The following PLD5 variants were observed in gnomAD, a reference collection of about 807,000 sequenced individuals.
The protein encoded by PLD5 is inactive phospholipase D5.
In PLD5, 36 loss-of-function variants were observed where a neutral mutation model predicts 61.1. The ratio of observed to expected loss-of-function variants is 0.59; its 90% CI spans 0.45 to 0.78. The LOEUF (loss-of-function observed/expected upper bound fraction) is 0.78. PLD5 is among the 30% of genes least tolerant of loss of function. The pLI, the probability that PLD5 is intolerant of heterozygous loss-of-function variation, is 0.00. For missense variants in PLD5, 515 were observed against 644.4 expected, an observed-to-expected ratio of 0.80 and a Z score of 2.17; for synonymous variants, 243 against 242.8, an observed-to-expected ratio of 1.00 and a Z score of -0.01.
At chr1:242,498,324 T>C in intron 1 of PLD5, among the ~76,000 whole-genome samples, 1 of 152,192 alleles carries the variant, frequency 6.6e-6, no homozygotes, top group East Asian at 1.9e-4. Context: ...AAAATATAGA[T>C]AAGCAAAAGT....
chr1:242,435,939 G>C (rs1665974450), intron 1 of PLD5, among the ~76,000 whole-genome samples: 1 of 152,066 alleles, frequency 6.6e-6, no homozygotes, highest in South Asian at 2.1e-4. Flanking sequence ...AAAAGTAGTA[G>C]AGAAAGAAAA....
At chr1:242,381,630 C>T (rs1662283835) in intron 1 of PLD5, among the ~76,000 whole-genome samples, 1 of 152,158 alleles carries the variant, frequency 6.6e-6, no homozygotes, top group African/African-American at 2.4e-5. Context: ...TTTTTCACTT[C>T]TCCTTTTTAT....
At chr1:242,493,374 C>T (rs1297587792) in intron 1 of PLD5, among the ~76,000 whole-genome samples, 1 of 152,146 alleles carries the variant, frequency 6.6e-6, no homozygotes, top group African/African-American at 2.4e-5. Context: ...ATGCTGAAGC[C>T]TCGACATGCA....
At chr1:242,196,378 C>A (rs569427698) in intron 5 of PLD5, among the ~76,000 whole-genome samples, 3 of 152,216 alleles carry the variant, frequency 2.0e-5, no homozygotes, top group South Asian at 2.1e-4. Flanking sequence ...ACAACCGATA[C>A]CCTGCAGGTG....
intron 5 of PLD5, among the ~76,000 whole-genome samples, chr1:242,173,265 CAGAG>C (rs1200003467): frequency 6.6e-6 from 1 of 152,084 alleles, no homozygotes; most frequent in African/African-American, 2.4e-5. Context: ...CAATAACAGA[CAGAG>C]AGCCAAATCA....
chr1:242,167,765 G>A (rs895943599), intron 5 of PLD5, among the ~76,000 whole-genome samples: 4 of 152,206 alleles, frequency 2.6e-5, no homozygotes, highest in Admixed American at 6.5e-5. Context: ...TACATCCATA[G>A]ATGTGGATTG....
At chr1:242,506,058 A>G (rs181089960) in intron 1 of PLD5, among the ~76,000 whole-genome samples, 6 of 152,344 alleles carry the variant, frequency 3.9e-5, no homozygotes, top group Admixed American at 6.5e-5. Flanking sequence ...AAGTACTAAG[A>G]GTTCTGATAC....
At chr1:242,444,754 TA>T (rs1666450603) in intron 1 of PLD5, among the ~76,000 whole-genome samples, 1 of 135,044 alleles carries the variant, frequency 7.4e-6, no homozygotes, top group East Asian at 2.0e-4. Context: ...GTAGGCTATA[TA>T]TATAATATAT....
At chr1:242,459,000 T>C (rs1667030194) in intron 1 of PLD5, among the ~76,000 whole-genome samples, 3 of 152,324 alleles carry the variant, frequency 2.0e-5, no homozygotes, top group Admixed American at 1.3e-4. Flanking sequence ...CATCAGTCTA[T>C]TCAAACTGTT....
At chr1:242,168,740 G>T (rs1210163835) in intron 5 of PLD5, among the ~76,000 whole-genome samples, 1 of 151,760 alleles carries the variant, frequency 6.6e-6, no homozygotes, top group Non-Finnish European at 1.5e-5. Flanking sequence ...TGTGGTATAT[G>T]AAGTATGCGT....
chr1:242,138,541 A>G (rs1347403705), intron 5 of PLD5, among the ~76,000 whole-genome samples: 1 of 152,220 alleles, frequency 6.6e-6, no homozygotes, highest in African/African-American at 2.4e-5. Flanking sequence ...AATACTATCC[A>G]TCACTGACTA....
chr1:242,479,690 A>G (rs1422887151), intron 1 of PLD5, among the ~76,000 whole-genome samples: 2 of 152,144 alleles, frequency 1.3e-5, no homozygotes, highest in Non-Finnish European at 2.9e-5. Context: ...ATATATATAA[A>G]ATGAAAATGA....
chr1:242,428,401 TA>T (rs1665545234), intron 1 of PLD5, among the ~76,000 whole-genome samples: 1 of 152,244 alleles, frequency 6.6e-6, no homozygotes, highest in Non-Finnish European at 1.5e-5. Flanking sequence ...ATATTTATTC[TA>T]AAACAGAAAT....
At chr1:242,166,072 G>A (rs1448322047) in intron 5 of PLD5, among the ~76,000 whole-genome samples, 1 of 152,188 alleles carries the variant, frequency 6.6e-6, no homozygotes, top group Non-Finnish European at 1.5e-5. Flanking sequence ...TTGTGGTGGT[G>A]TATTGAATTT....
At chr1:242,522,712 A>G (rs924072706) in intron 1 of PLD5, among the ~76,000 whole-genome samples, 2 of 152,154 alleles carry the variant, frequency 1.3e-5, no homozygotes, top group African/African-American at 4.8e-5. Flanking sequence ...AACTAATAAC[A>G]CCACCAGCCC....
At chr1:242,262,915 C>G (rs557992382) in intron 4 of PLD5, among the ~76,000 whole-genome samples, 127 of 151,998 alleles carry the variant, frequency 8.4e-4, no homozygotes, top group Middle Eastern at 3.4e-3. Context: ...TTACAGGGAC[C>G]CTTGTGTAAA....
At chr1:242,307,668 A>T (rs61252520) in intron 2 of PLD5, among the ~76,000 whole-genome samples, 2,163 of 152,252 alleles carry the variant, frequency 0.014, 54 homozygotes, top group African/African-American at 0.049. Context: ...CAACAGTTCA[A>T]AACCAGCCCT....
chr1:242,348,444 G>A (rs982881038), intron 1 of PLD5, among the ~76,000 whole-genome samples: 3 of 152,102 alleles, frequency 2.0e-5, no homozygotes, highest in Admixed American at 6.5e-5. Flanking sequence ...CCCACTCTAA[G>A]TGATAGACCC....
At chr1:242,451,573 T>C (rs1666780744) in intron 1 of PLD5, among the ~76,000 whole-genome samples, 2 of 150,580 alleles carry the variant, frequency 1.3e-5, no homozygotes, top group African/African-American at 2.4e-5. Context: ...GATTCTCCTG[T>C]CTCAGCCTCC....
Sources: gnomAD v4.1 joint callset for allele counts (sites outside exome capture counted in the v4.1 genomes callset) on GRCh38, gnomAD v4.1.1 for gene constraint, MANE v1.5 for transcripts, NCBI Gene and HGNC (gene_info 2026-07-23, HGNC 2026-07-21) for gene names.